LRRTM4: variants seen among roughly 807,000 people sequenced by gnomAD.
LRRTM4 encodes leucine-rich repeat transmembrane neuronal protein 4.
LRRTM4 carries 25 observed loss-of-function variants against 47.6 expected under a neutral mutation model. The observed-to-expected ratio is 0.53, with a 90% confidence interval of 0.38 to 0.73. The LOEUF is 0.73. Ranked by LOEUF, LRRTM4 falls within the 30% of genes least tolerant of loss-of-function variation. The probability of loss-of-function intolerance (pLI) is 0.00; values close to 1 mark genes in which losing one functional copy is unlikely to be tolerated. For synonymous variants in LRRTM4, 311 were observed against 269.5 expected (o/e 1.15, Z -1.51); for missense variants, 638 against 713.4 (o/e 0.89, Z 1.20).
At chr2:76,894,103 T>C (rs1673335434) in intron 3 of LRRTM4, among the ~76,000 whole-genome samples, 1 of 151,992 alleles carries the variant, frequency 6.6e-6, no homozygotes, top group Non-Finnish European at 1.5e-5. Context: ...GTTAAAAATA[T>C]ACAGAGTACC....
intron 3 of LRRTM4, among the ~76,000 whole-genome samples, chr2:77,241,421 A>G (rs1479031532): frequency 3.3e-5 from 5 of 152,088 alleles, no homozygotes; most frequent in Admixed American, 2.0e-4. Context: ...GTTTAAAATG[A>G]GTCAGTAATA....
At chr2:76,826,026 C>A (rs1442480818) in intron 3 of LRRTM4, among the ~76,000 whole-genome samples, 2 of 151,638 alleles carry the variant, frequency 1.3e-5, no homozygotes, top group Non-Finnish European at 2.9e-5. Context: ...AAAATAGTTT[C>A]TTGGAATTGA....
intron 3 of LRRTM4, among the ~76,000 whole-genome samples, chr2:77,296,499 T>C (rs1286652109): frequency 6.6e-6 from 1 of 152,200 alleles, no homozygotes; most frequent in African/African-American, 2.4e-5. Flanking sequence ...ACGTTGTTCC[T>C]GAACACAATT....
intron 3 of LRRTM4, among the ~76,000 whole-genome samples, chr2:77,049,133 T>TATACATATATATATATATATATATATAC (rs1239697867): frequency 8.1e-6 from 1 of 123,812 alleles, no homozygotes; most frequent in East Asian, 2.3e-4. Flanking sequence ...TATATATATA[T>TATACATATATATATATATATATATATAC]ATATATATAT....
intron 3 of LRRTM4, among the ~76,000 whole-genome samples, chr2:76,814,794 TACACACACAC>T (rs869279283): frequency 1.3e-5 from 2 of 149,628 alleles, no homozygotes; most frequent in Non-Finnish European, 3.0e-5. Context: ...GGCTTCAAGA[TACACACACAC>T]ATACACACAC....
intron 3 of LRRTM4, among the ~76,000 whole-genome samples, chr2:77,337,120 AC>A (rs886903017): frequency 2.6e-5 from 4 of 152,152 alleles, no homozygotes; most frequent in African/African-American, 9.7e-5. Flanking sequence ...TACATTTACA[AC>A]AGACACAAAA....
At chr2:77,334,486 G>A (rs908882675) in intron 3 of LRRTM4, among the ~76,000 whole-genome samples, 11 of 152,098 alleles carry the variant, frequency 7.2e-5, no homozygotes, top group African/African-American at 1.4e-4. Flanking sequence ...TATGATATCC[G>A]ATTGTTTTAA....
At chr2:77,225,706 T>A (rs1674785483) in intron 3 of LRRTM4, among the ~76,000 whole-genome samples, 1 of 152,130 alleles carries the variant, frequency 6.6e-6, no homozygotes, top group South Asian at 2.1e-4. Context: ...CTGTGGTGAA[T>A]GTTGATGAAA....
Position 77,518,855 on chromosome 2 carries a change from T to C in LRRTM4, c.1014A>G (p.Ile338Met). ...NFKGNKESTM[I>M]CAGPKHIQGE... is the part of the protein sequence containing the mutation. ...CCTGGATGTGCTTAGGTCCCGCACA[T>C]ATCATGGTGCTTTCCTTATTTCCTT... Residue 338 changes from isoleucine (I) to methionine (M), a missense_variant, in exon 3 of 4, where the codon ATA (isoleucine) becomes ATG (methionine). Physicochemically the swap from Ile to Met is conservative, Grantham distance 10. Transcript: ENST00000409884. 1.2e-6 allele frequency: 2 copies of C among 1,608,048 alleles called. No individual in the cohort carries two copies. Among genetic ancestry groups the C allele is most frequent in the Non-Finnish European group, 1.7e-6 (2 of 1,176,680 alleles).
chr2:77,263,985 T>G (rs1675985611), intron 3 of LRRTM4, among the ~76,000 whole-genome samples: 1 of 151,804 alleles, frequency 6.6e-6, no homozygotes, highest in Non-Finnish European at 1.5e-5. Flanking sequence ...TAGAGAAAGA[T>G]ATGTTAAACC....
intron 3 of LRRTM4, among the ~76,000 whole-genome samples, chr2:76,749,470 A>G (rs1353352742): frequency 6.6e-6 from 1 of 151,734 alleles, no homozygotes; most frequent in Non-Finnish European, 1.5e-5. Context: ...TGTAACTTTT[A>G]TTTAGTTTTA....
In LRRTM4 at chr2:76,748,644, A is replaced by C; in HGVS notation, c.*51T>G. On this transcript the variant is annotated 3_prime_UTR_variant, in exon 4 of 4. Transcript: ENST00000409884. ...GGACACCCATTCTCCTTTAAGATGAAGGCCCTCCCTCCCCCCCATGGAGCT... is the reference window on the plus strand; with the variant it reads ...GGACACCCATTCTCCTTTAAGATGACGGCCCTCCCTCCCCCCCATGGAGCT... 7.3e-7 allele frequency: 1 copy of C among 1,372,034 alleles called. No homozygotes were observed. The highest frequency in any genetic ancestry group is 1.0e-6 in the Non-Finnish European group (1 of 975,898). The allele number at this position is 1,372,034 out of a possible 1,614,324, so 85.0% of individuals were successfully genotyped here.
chr2:77,493,795 A>C (rs1418972527), intron 3 of LRRTM4, among the ~76,000 whole-genome samples: 3 of 152,134 alleles, frequency 2.0e-5, no homozygotes, highest in Non-Finnish European at 4.4e-5. Flanking sequence ...TACACTTTAT[A>C]GCAGGCCACA....
chr2:77,062,362 A>T (rs1048606946), intron 3 of LRRTM4, among the ~76,000 whole-genome samples: 2 of 152,214 alleles, frequency 1.3e-5, no homozygotes, highest in African/African-American at 4.8e-5. Flanking sequence ...AAAATGTTAG[A>T]GTCCTACATA....
At chr2:77,016,932 A>G (rs888633806) in intron 3 of LRRTM4, among the ~76,000 whole-genome samples, 3 of 151,706 alleles carry the variant, frequency 2.0e-5, no homozygotes, top group South Asian at 4.2e-4. Flanking sequence ...GCAGCACTCT[A>G]TTTGCCTGTA....
chr2:76,930,079 TGTATC>T (rs1235160538), intron 3 of LRRTM4, among the ~76,000 whole-genome samples: 4 of 152,190 alleles, frequency 2.6e-5, no homozygotes, highest in African/African-American at 7.2e-5. Flanking sequence ...AGATCAGTAT[TGTATC>T]AGTTTCAGGC....
intron 3 of LRRTM4, among the ~76,000 whole-genome samples, chr2:76,899,311 C>CCA (rs34031809): frequency 0.013 from 1,821 of 136,390 alleles, 13 homozygotes; most frequent in South Asian, 0.019. Flanking sequence ...GACTAATAAA[C>CCA]CACACACACA....
intron 3 of LRRTM4, among the ~76,000 whole-genome samples, chr2:77,354,332 A>G (rs72915962): frequency 0.017 from 2,641 of 151,812 alleles, 70 homozygotes; most frequent in African/African-American, 0.06. Flanking sequence ...GCATATCCAG[A>G]TAAGTGGTTC....
At chr2:77,409,884 T>A (rs1420717350) in intron 3 of LRRTM4, among the ~76,000 whole-genome samples, 1 of 152,172 alleles carries the variant, frequency 6.6e-6, no homozygotes, top group Non-Finnish European at 1.5e-5. Context: ...TGCCCCCTTC[T>A]TGCCCCACTT....
Sources: gnomAD v4.1 joint callset for allele counts (sites outside exome capture counted in the v4.1 genomes callset) on GRCh38, gnomAD v4.1.1 for gene constraint, MANE v1.5 for transcripts, NCBI Gene and HGNC (gene_info 2026-07-23, HGNC 2026-07-21) for gene names.